MGA: variants seen among roughly 807,000 people sequenced by gnomAD.
MGA encodes MAX dimerization protein MGA.
MGA carries 40 observed loss-of-function variants against 261.1 expected under a neutral mutation model. The observed-to-expected ratio is 0.15, with a 90% confidence interval of 0.12 to 0.20. The LOEUF (loss-of-function observed/expected upper bound fraction) is 0.20, where lower values mean the gene tolerates loss of function less well. Ranked by LOEUF, MGA falls within the 10% of genes least tolerant of loss-of-function variation. MGA has a pLI of 1.00. For missense variants in MGA, 3,397 were observed against 3,630.5 expected (o/e 0.94, Z 1.65); for synonymous variants, 1,302 against 1,290.6 (o/e 1.01, Z -0.19).
chr15:41,728,970 A>G (rs2061378749), intron 10 of MGA, among the ~76,000 whole-genome samples, 194 bp from the exon 11 acceptor site: 1 of 152,210 alleles, frequency 6.6e-6, no homozygotes. Context: ...AAATTTCCTG[A>G]TAGAGAACTG....
chr15:41,754,769 G>A (rs2063049036), intron 18 of MGA, among the ~76,000 whole-genome samples: 1 of 152,124 alleles, frequency 6.6e-6, no homozygotes, highest in African/African-American at 2.4e-5. Context: ...GTGTGTAAAT[G>A]TGAATAACAT....
Position 41,750,591 on chromosome 15 carries a change from T to C in MGA, c.6984T>C (p.Ser2328=), listed in dbSNP as rs1232960798. The C allele has an allele frequency of 1.9e-6, 3 of 1,608,244 alleles. No homozygotes were observed. The highest frequency in any genetic ancestry group is 1.7e-5 in the Admixed American group (1 of 59,134). ...TGGATGTTGTTTCTGACTACCAGAG[T>C]GAGGAGGTTGATGATGTAGAAAAGG... The change falls in exon 17 of 24, where the codon AGT becomes AGC. Residue 2328 remains serine, a synonymous_variant. Transcript: ENST00000219905.
At chr15:41,640,902 G>GTATT (rs2150622256) in intron 1 of MGA, among the ~76,000 whole-genome samples, 1 of 152,258 alleles carries the variant, frequency 6.6e-6, no homozygotes, top group East Asian at 1.9e-4. Context: ...GGTTTTTAGT[G>GTATT]TATTCATAGT....
At chr15:41,647,873 T>C (rs2056965715) in intron 1 of MGA, among the ~76,000 whole-genome samples, 1 of 152,222 alleles carries the variant, frequency 6.6e-6, no homozygotes, top group Non-Finnish European at 1.5e-5. Context: ...CCCAGAAAAG[T>C]ACATCGCATA....
chr15:41,643,281 C>T (rs1448517732), intron 1 of MGA, among the ~76,000 whole-genome samples: 1 of 150,514 alleles, frequency 6.6e-6, no homozygotes, highest in Non-Finnish European at 1.5e-5. Context: ...CACGCTGTGG[C>T]CCAGGCTGTA....
At chr15:41,693,208 G>A (rs1162569798) in intron 2 of MGA, among the ~76,000 whole-genome samples, 8 of 151,820 alleles carry the variant, frequency 5.3e-5, no homozygotes, top group Non-Finnish European at 1.2e-4. Flanking sequence ...TGCACAATGT[G>A]CAGGTTAGTT....
chr15:41,751,558 T>G (rs1257325227), intron 17 of MGA: 1 of 152,086 alleles, frequency 6.6e-6, no homozygotes, highest in Non-Finnish European at 1.5e-5. Flanking sequence ...ACCCCGTGTC[T>G]ACTAAAAATA....
chr15:41,731,557 G>A (rs1051173849), intron 11 of MGA, among the ~76,000 whole-genome samples: 1 of 152,074 alleles, frequency 6.6e-6, no homozygotes, highest in Non-Finnish European at 1.5e-5. Context: ...TGTTTTCCCA[G>A]CTTTCAGGAG....
intron 2 of MGA, among the ~76,000 whole-genome samples, chr15:41,690,994 GTTTT>G (rs386382831): frequency 9.6e-6 from 1 of 104,342 alleles, no homozygotes; most frequent in African/African-American, 3.7e-5. Context: ...AGATTGCTTT[GTTTT>G]TTTTTTTTTT....
chr15:41,725,850 AAAAAAATAAATAAAT>A (rs1460080586), intron 9 of MGA, among the ~76,000 whole-genome samples: 1 of 7,138 alleles, frequency 1.4e-4, no homozygotes, highest in African/African-American at 2.5e-4. Flanking sequence ...AAAAAAAAAA[AAAAAAATAAATAAAT>A]AAATAAATAA....
At position 41,698,913 on chromosome 15, in the gene MGA, T is replaced by G; in HGVS notation, c.2064T>G (p.Ser688Arg). 6.4e-7 allele frequency: 1 copy of G among 1,550,770 alleles called. No homozygotes were observed. Among genetic ancestry groups the G allele is most frequent in the Non-Finnish European group, 8.7e-7 (1 of 1,146,858 alleles). The change falls in exon 4 of 24, where the codon AGT (serine) becomes AGG (arginine). Residue 688 changes from serine to arginine, a missense_variant. By Grantham distance (110) the Ser-to-Arg change is moderately radical. Around this residue, in one of 9 missense-constraint regions of MGA, gnomAD observed 563 missense variants for 563.6 expected, o/e 1.00. Transcript: ENST00000219905. ...ATGGGACAACAGAAGAATCTTCTAG[T>G]CTCCAGGCATCAACCACAAATGACT...
intron 2 of MGA, among the ~76,000 whole-genome samples, chr15:41,678,131 C>G (rs1362678289): frequency 6.7e-6 from 1 of 149,594 alleles, no homozygotes; most frequent in African/African-American, 2.5e-5. Flanking sequence ...TGCTCTGTCA[C>G]CCAGGCTGGA....
At chr15:41,761,930 A>G in intron 21 of MGA, 80 bp downstream of exon 21, 1 of 1,173,518 alleles carries the variant, frequency 8.5e-7, no homozygotes, top group Non-Finnish European at 1.2e-6. Context: ...TCTTTCAGAT[A>G]CTTAATTGAA....
At chr15:41,689,916 A>G (rs2059178975) in intron 2 of MGA, among the ~76,000 whole-genome samples, 1 of 152,228 alleles carries the variant, frequency 6.6e-6, no homozygotes, top group Non-Finnish European at 1.5e-5. Context: ...AAATTGAGAT[A>G]TAATTCACAT....
intron 1 of MGA, among the ~76,000 whole-genome samples, chr15:41,664,487 A>G (rs1452972922): frequency 1.3e-5 from 2 of 152,220 alleles, no homozygotes; most frequent in Non-Finnish European, 2.9e-5. Context: ...GTTTATAGAA[A>G]GATGTTTAAT....
At chr15:41,727,809 G>A (rs1220584693) in intron 10 of MGA, among the ~76,000 whole-genome samples, 2 of 152,140 alleles carry the variant, frequency 1.3e-5, no homozygotes, top group East Asian at 3.8e-4. Context: ...AATAATATCA[G>A]TAAAGTTTAA....
chr15:41,672,879 C>CAA (rs1001957556), intron 2 of MGA, among the ~76,000 whole-genome samples: 48 of 152,078 alleles, frequency 3.2e-4, no homozygotes, highest in Non-Finnish European at 5.7e-4. Context: ...CACACACACA[C>CAA]ACACACACAC....
chr15:41,711,973 G>A (rs1004432811), intron 8 of MGA, among the ~76,000 whole-genome samples: 1 of 152,122 alleles, frequency 6.6e-6, no homozygotes, highest in African/African-American at 2.4e-5. Flanking sequence ...GGGATTACAG[G>A]CATGAGTCAC....
At chr15:41,687,009 G>C (rs1405356389) in intron 2 of MGA, among the ~76,000 whole-genome samples, 3 of 151,756 alleles carry the variant, frequency 2.0e-5, no homozygotes, top group African/African-American at 7.3e-5. Context: ...TTCTGTATGT[G>C]CTGAGTTTGT....
Sources: gnomAD v4.1 joint callset for allele counts (sites outside exome capture counted in the v4.1 genomes callset) on GRCh38, gnomAD v4.1.1 for gene constraint, gnomAD v4.1.1 regional missense constraint, MANE v1.5 for transcripts, NCBI Gene and HGNC (gene_info 2026-07-23, HGNC 2026-07-21) for gene names.